The following TG variants were observed in gnomAD, a reference collection of about 807,000 sequenced individuals.
The protein encoded by TG is thyroid hormones.
In TG, 270 loss-of-function variants were observed where a neutral mutation model predicts 324.7. The observed-to-expected ratio is 0.83, with a 90% CI of 0.75 to 0.92. TG has a LOEUF of 0.92. Among genes scored for constraint, TG ranks in the 40% least tolerant of loss-of-function variants. The pLI is 0.00. For missense variants in TG, 3,591 were observed against 3,456.4 expected (o/e 1.04, Z -0.98); for synonymous variants, 1,401 against 1,327.0 (o/e 1.06, Z -1.21).
chr8:133,026,899 A>G (rs868175019), intron 40 of TG, among the ~76,000 whole-genome samples: 28 of 152,356 alleles, frequency 1.8e-4, no homozygotes, highest in Middle Eastern at 3.4e-3. Context: ...TTAATCTTCT[A>G]TGGTGCTTTA....
rs545230534 is a variant in TG, at chr8:133,100,492, T to C, written c.7572+4119T>C. Among the ~76,000 whole-genome samples the C allele has an allele frequency of 4.8e-4, 73 of 152,358 alleles. 1 individual carries two copies. Among genetic ancestry groups the C allele is most frequent in the African/African-American group, 1.7e-3 (70 of 41,570 alleles). ...CACAATAGACATTCACTAGGATGAATGAATGAAATTATGAAGAACTGACTA... is the reference window on the plus strand; with the variant it reads ...CACAATAGACATTCACTAGGATGAACGAATGAAATTATGAAGAACTGACTA... On this transcript the variant is annotated intron_variant, in intron 43 of 47. Transcript: ENST00000220616.
Position 133,025,494 on chromosome 8 carries a change from C to T in TG, c.7036+3344C>T, listed in dbSNP as rs74306340. ...AGAGTTCCCATACACTCCCTCTCCCCCTCCTTCTTGCCCTGCTATTTATAA... is the reference window on the plus strand; with the variant it reads ...AGAGTTCCCATACACTCCCTCTCCCTCTCCTTCTTGCCCTGCTATTTATAA... On this transcript the variant is annotated intron_variant, in intron 40 of 47. Coordinates refer to ENST00000220616, the MANE Select transcript of TG (RefSeq NM_003235.5). 3.9e-4 allele frequency among the ~76,000 whole-genome samples: 59 copies of T among 152,286 alleles called. 2 individuals carry two copies. In the East Asian group the frequency reaches 0.011, roughly 28 times the overall value.
At chr8:132,935,977 T>C in intron 25 of TG, 113 bp downstream of exon 25, 1 of 794,274 alleles carries the variant, frequency 1.3e-6, no homozygotes, top group Non-Finnish European at 2.2e-6. Flanking sequence ...CGCTCCCCAC[T>C]CCACACCCTC....
chr8:133,108,827 T>C (rs1850041948), intron 43 of TG, among the ~76,000 whole-genome samples: 1 of 152,156 alleles, frequency 6.6e-6, no homozygotes, highest in South Asian at 2.1e-4. Context: ...TCTGGAACAA[T>C]AGGCAAATAA....
In TG at chr8:132,923,517, T is replaced by A; in HGVS notation, c.4699+9T>A. On this transcript the variant is annotated intron_variant, in intron 22 of 47. Transcript: ENST00000220616. ...GGACTCACAGTGTTTGAGTAGGTGC[T>A]GGGGGTGAAATCAGTCATGGTTCCT... The A allele has an allele frequency of 1.9e-6, 3 of 1,611,952 alleles. No homozygotes were observed. The Admixed American group carries it at 5.0e-5, about 27-fold the overall frequency.
At position 132,948,770 on chromosome 8, in the gene TG, T is replaced by G. The variant is rs747358737; in HGVS notation, c.5234-6T>G. The G allele has an allele frequency of 3.1e-6, 5 of 1,613,456 alleles. No individual in the cohort carries two copies. Among genetic ancestry groups the G allele is most frequent in the South Asian group, 2.2e-5 (2 of 91,040 alleles). Reference sequence around the variant, plus strand: ...ACTGACCTCTCCTACCTCTTGTGATTCTCAGGTGCCATCATCTGTGGGTTG... The same window carrying G: ...ACTGACCTCTCCTACCTCTTGTGATGCTCAGGTGCCATCATCTGTGGGTTG... On this transcript the variant is annotated splice_region_variant and splice_polypyrimidine_tract_variant and intron_variant, in intron 26 of 47. Transcript: ENST00000220616.
intron 34 of TG, among the ~76,000 whole-genome samples, chr8:132,977,377 G>T (rs144332984): frequency 7.9e-5 from 12 of 152,102 alleles, no homozygotes; most frequent in African/African-American, 2.7e-4. Flanking sequence ...ATAGATTTTG[G>T]CCTTGCTTCA....
At chr8:132,953,913 T>C (rs1176050096) in intron 27 of TG, among the ~76,000 whole-genome samples, 1 of 152,112 alleles carries the variant, frequency 6.6e-6, no homozygotes, top group Non-Finnish European at 1.5e-5. Context: ...ATATGGCTAG[T>C]TTTTGACAAA....
intron 11 of TG, among the ~76,000 whole-genome samples, chr8:132,896,589 T>A (rs757259532): frequency 6.6e-6 from 1 of 152,120 alleles, no homozygotes; most frequent in Non-Finnish European, 1.5e-5. Context: ...TCATGGCCAC[T>A]TAGGAGGAGG....
intron 40 of TG, among the ~76,000 whole-genome samples, chr8:133,022,566 A>G (rs1412964137): frequency 6.6e-6 from 1 of 152,184 alleles, no homozygotes; most frequent in Non-Finnish European, 1.5e-5. Context: ...CCCACAGGGA[A>G]GCCATCTGAT....
chr8:132,941,199 T>C, intron 25 of TG, 152 bp from the exon 26 acceptor site: 1 of 972,090 alleles, frequency 1.0e-6, no homozygotes, highest in Non-Finnish European at 1.6e-6. Context: ...ATCCAGAAGC[T>C]TTGTGGCACA....
chr8:132,882,593 C>G lies in TG; in HGVS notation c.870C>G (p.Val290=), dbSNP rs1814795839. 1 of 1,614,238 alleles carries G rather than the reference C, an allele frequency of 6.2e-7. No individual in the cohort carries two copies. Among genetic ancestry groups the G allele is most frequent in the South Asian group, 1.1e-5 (1 of 91,084 alleles). ...GACGGTTCCTCGCAGTTCAATCAGT[C>G]ATCTCTGGCAGATTCCGATGTAAGT... is the stretch of plus-strand genomic sequence containing the variant. ...LQRRFLAVQS[V]ISGRFRCPTK... The change falls in exon 7 of 48, where the codon GTC becomes GTG. Residue 290 remains valine (V), a synonymous_variant. Coordinates refer to ENST00000220616, the MANE Select transcript of TG (RefSeq NM_003235.5).
chr8:133,061,544 G>T (rs1842369632), intron 41 of TG, among the ~76,000 whole-genome samples: 1 of 152,168 alleles, frequency 6.6e-6, no homozygotes, highest in Non-Finnish European at 1.5e-5. Flanking sequence ...AGGGTTTTAG[G>T]GAAGCCACGT....
chr8:133,036,435 G>A (rs531990345), intron 41 of TG, among the ~76,000 whole-genome samples: 1 of 152,228 alleles, frequency 6.6e-6, no homozygotes, highest in Non-Finnish European at 1.5e-5. Context: ...GCTATCACAA[G>A]TAACGTGCAG....
intron 11 of TG, among the ~76,000 whole-genome samples, chr8:132,896,818 C>T (rs181699049): frequency 3.9e-5 from 6 of 152,220 alleles, no homozygotes; most frequent in Admixed American, 1.3e-4. Flanking sequence ...AATGCTAGTG[C>T]GGAGGAGACA....
chr8:132,896,712 G>C (rs566223359), intron 11 of TG, among the ~76,000 whole-genome samples: 1 of 151,908 alleles, frequency 6.6e-6, no homozygotes, highest in Non-Finnish European at 1.5e-5. Context: ...ATTCATTCAC[G>C]CTTTTTTCCC....
chr8:132,946,065 CACACACA>C lies in TG; in HGVS notation c.5234-2710_5234-2704del, dbSNP rs762663977. Among the ~76,000 whole-genome samples, 919 of 137,180 alleles carry C rather than the reference CACACACA, an allele frequency of 6.7e-3. 4 individuals carry two copies. The highest frequency in any genetic ancestry group is 8.2e-3 in the Non-Finnish European group (547 of 66,674). 90.0% of individuals were successfully genotyped at this position (137,180 alleles called of 152,430 possible). On this transcript the variant is annotated intron_variant, in intron 26 of 47. Coordinates refer to ENST00000220616, the MANE Select transcript of TG (RefSeq NM_003235.5). ...ACACACACACACACACACACACACA[CACACACA>C]CCCTATATTTGTCTTGATGTATATC...
At chr8:133,071,496 G>A (rs1844026229) in intron 41 of TG, among the ~76,000 whole-genome samples, 1 of 152,194 alleles carries the variant, frequency 6.6e-6, no homozygotes, top group African/African-American at 2.4e-5. Context: ...GCTTGTCATA[G>A]TTATTCAGTA....
chr8:132,870,851 TCA>T (rs1839422076), intron 3 of TG, among the ~76,000 whole-genome samples: 2 of 152,042 alleles, frequency 1.3e-5, no homozygotes, highest in Non-Finnish European at 2.9e-5. Context: ...TGGAACTCAC[TCA>T]CTCCGAGGGA....
Sources: gnomAD v4.1 joint callset for allele counts (sites outside exome capture counted in the v4.1 genomes callset) on GRCh38, gnomAD v4.1.1 for gene constraint, MANE v1.5 for transcripts, NCBI Gene and HGNC (gene_info 2026-07-23, HGNC 2026-07-21) for gene names.